The following DDX27 variants were observed in gnomAD, a reference collection of about 807,000 sequenced individuals.
The protein encoded by DDX27 is DEAD-box helicase 27.
Under a neutral mutation model 99.3 loss-of-function variants are expected in DDX27, and 42 were observed. That is an observed-to-expected ratio of 0.42 (90% CI 0.33 to 0.55). The LOEUF (loss-of-function observed/expected upper bound fraction) is 0.55, where lower values mean the gene tolerates loss of function less well. Ranked by LOEUF, DDX27 falls within the 20% of genes least tolerant of loss-of-function variation. The probability of loss-of-function intolerance (pLI) is 0.07; values close to 1 mark genes in which losing one functional copy is unlikely to be tolerated. For missense variants in DDX27, 798 were observed against 976.8 expected (o/e 0.82, Z 2.44); for synonymous variants, 329 against 353.8 (o/e 0.93, Z 0.79).
At chr20:49,243,572 G>A in intron 19 of DDX27, 57 bp from the exon 20 acceptor site, 2 of 1,504,308 alleles carry the variant, frequency 1.3e-6, no homozygotes, top group Non-Finnish European at 1.8e-6. Context: ...GTGGGGGTGA[G>A]ACAACACCCA....
intron 4 of DDX27, among the ~76,000 whole-genome samples, chr20:49,223,639 G>A (rs571537126): frequency 6.6e-6 from 1 of 151,066 alleles, no homozygotes; most frequent in South Asian, 2.1e-4. Flanking sequence ...CCAGTACTTT[G>A]GGAGGCTGAG....
At chr20:49,223,177 G>T (rs369902276) in intron 3 of DDX27, 91 bp from the exon 4 acceptor site, 1 of 1,438,306 alleles carries the variant, frequency 7.0e-7, no homozygotes, top group South Asian at 1.3e-5. Context: ...CCCCACAGCC[G>T]TTCATTCAGG....
Position 49,233,605 on chromosome 20 carries a change from T to C in DDX27, c.1169T>C (p.Val390Ala), listed in dbSNP as rs763860338. The change falls in exon 11 of 21, where the codon GTC (valine) becomes GCC (alanine). Residue 390 changes from valine to alanine, a missense_variant. Physicochemically the swap from Val to Ala is moderately conservative, Grantham distance 64 (BLOSUM62 0). Transcript: ENST00000618172. ...DLASVSLKNP[V>A]RIFVNSNTDV... ...GCTTCTGTCTCCTTGAAGAATCCTGTCCGGATATTTGTGAACAGCAACACA... is the reference window on the plus strand; with the variant it reads ...GCTTCTGTCTCCTTGAAGAATCCTGCCCGGATATTTGTGAACAGCAACACA... 6.2e-7 allele frequency: 1 copy of C among 1,614,068 alleles called. No homozygotes were observed. The highest frequency in any genetic ancestry group is 8.5e-7 in the Non-Finnish European group (1 of 1,179,938).
At chr20:49,229,668 A>G (rs1438014866) in intron 8 of DDX27, among the ~76,000 whole-genome samples, 3 of 37,802 alleles carry the variant, frequency 7.9e-5, no homozygotes, top group Non-Finnish European at 2.4e-4. Context: ...TTTTTTTTTG[A>G]GAGGAAGTCT....
At chr20:49,241,078 G>A (rs1478643332) in intron 16 of DDX27, among the ~76,000 whole-genome samples, 1 of 152,174 alleles carries the variant, frequency 6.6e-6, no homozygotes, top group South Asian at 2.1e-4. Flanking sequence ...AACAAGTGAT[G>A]TAGGGAATAA....
intron 3 of DDX27, 61 bp from the exon 4 acceptor site, chr20:49,223,207 T>G: frequency 6.5e-7 from 1 of 1,547,020 alleles, no homozygotes; most frequent in East Asian, 2.3e-5. Flanking sequence ...TTCCTATCGC[T>G]CTACTTAGGT....
chr20:49,243,018 C>T (rs967308787), intron 19 of DDX27, among the ~76,000 whole-genome samples: 2 of 152,024 alleles, frequency 1.3e-5, no homozygotes, highest in South Asian at 2.1e-4. Context: ...CCGTGCCCGG[C>T]GAGCCCTTGG....
chr20:49,225,163 G>A lies in DDX27; in HGVS notation c.564G>A (p.Ser188=), dbSNP rs985118699. The change falls in exon 6 of 21, where the codon TCG becomes TCA. Residue 188 remains serine, a synonymous_variant. Transcript: ENST00000618172. ...CATCTCAGTACGATGAAAACCTCTC[G>A]TTCCAGGACATGAACCTTTCCCGCC... The part of the protein sequence containing the change: ...EDASQYDENL[S]FQDMNLSRPL... 3.7e-6 allele frequency: 6 copies of A among 1,614,082 alleles called. No homozygotes were observed. The highest frequency in any genetic ancestry group is 1.1e-5 in the South Asian group (1 of 91,078).
At chr20:49,229,030 CTTTTTTT>C in intron 8 of DDX27, 142 bp downstream of exon 8, 181 of 287,192 alleles carry the variant, frequency 6.3e-4, no homozygotes, top group Middle Eastern at 4.0e-3. Flanking sequence ...AACTGGAAGA[CTTTTTTT>C]TTTTTTTTTT....
chr20:49,230,151 C>T, intron 8 of DDX27, 48 bp from the exon 9 acceptor site: 1 of 1,569,298 alleles, frequency 6.4e-7, no homozygotes, highest in Non-Finnish European at 8.6e-7. Flanking sequence ...AGTCAACACC[C>T]ATGAGCAGCT....
intron 12 of DDX27, chr20:49,235,351 C>T: frequency 2.8e-6 from 1 of 360,708 alleles, no homozygotes. Flanking sequence ...ACAGAGGAAG[C>T]TGGCTTGGAA....
At position 49,236,585 on chromosome 20, in the gene DDX27, A is replaced by G. The variant is rs779796437; in HGVS notation, c.1687+75A>G. On this transcript the variant is annotated intron_variant, in intron 14 of 20. Coordinates refer to ENST00000618172, the MANE Select transcript of DDX27 (RefSeq NM_017895.8). This position sits in a 1 kb window ranked among gnomAD's most constrained non-coding sequence, Gnocchi z 4.1. ...AGGACAGAGTGTAATGGCTGAGAGC[A>G]GGTACTTTGCAGTTCAGAGCCAGAT... 4 of 1,419,184 alleles carry G rather than the reference A, an allele frequency of 2.8e-6. No individual in the cohort carries two copies. Among genetic ancestry groups the G allele is most frequent in the Non-Finnish European group, 3.7e-6 (4 of 1,072,234 alleles). 87.9% of individuals were successfully genotyped at this position (1,419,184 alleles called of 1,614,324 possible). A position where few individuals can be genotyped will look rare whatever the true frequency, so the allele number is the denominator to read the frequency against.
At chr20:49,229,016 TA>T in intron 8 of DDX27, 128 bp downstream of exon 8, 2 of 699,828 alleles carry the variant, frequency 2.9e-6, no homozygotes, top group Admixed American at 4.3e-5. Flanking sequence ...TGAATCCACT[TA>T]AAAACTGGAA....
At chr20:49,219,886 C>CT (rs1380125444) in intron 1 of DDX27, among the ~76,000 whole-genome samples, 1 of 152,096 alleles carries the variant, frequency 6.6e-6, no homozygotes, top group Non-Finnish European at 1.5e-5. Flanking sequence ...GTTAGCTGTC[C>CT]TTTCGTATGT....
rs982909943 is a variant in DDX27, at chr20:49,235,023, C to T, written c.1362C>T (p.Leu454=). 3 of 1,613,580 alleles carry T rather than the reference C, an allele frequency of 1.9e-6. 1 individual carries two copies. The South Asian group carries it at 3.3e-5, about 18-fold the overall frequency. ...ACCGCATGCACATCCTCCTGGGGCT[C>T]ATGGGGCTGCAGGTGGGTGAGCTCC... ...QAHRMHILLG[L]MGLQVGELHG... is the part of the protein sequence containing the mutation. Residue 454 remains leucine (L), a synonymous_variant, in exon 12 of 21, where the codon CTC becomes CTT. Transcript: ENST00000618172.
chr20:49,243,924 G>C lies in DDX27; in HGVS notation c.*90G>C. On this transcript the variant is annotated 3_prime_UTR_variant, in exon 21 of 21. Transcript: ENST00000618172. Reference sequence around the variant, plus strand: ...TGGCTGGTCTGTCTTTTCTCCATTTGTTTAAAAAAAAAACAAAAACAAAAA... The same window carrying C: ...TGGCTGGTCTGTCTTTTCTCCATTTCTTTAAAAAAAAAACAAAAACAAAAA... 1.4e-6 allele frequency: 2 copies of C among 1,462,778 alleles called. No homozygotes were observed. The highest frequency in any genetic ancestry group is 1.9e-6 in the Non-Finnish European group (2 of 1,068,748). The allele number at this position is 1,462,778 out of a possible 1,614,324, so 90.6% of individuals were successfully genotyped here. A position where few individuals can be genotyped will look rare whatever the true frequency, so the allele number is the denominator to read the frequency against.
intron 1 of DDX27, among the ~76,000 whole-genome samples, chr20:49,221,055 G>A (rs918968013): frequency 1.3e-5 from 2 of 152,032 alleles, no homozygotes; most frequent in Non-Finnish European, 2.9e-5. Flanking sequence ...TCCCCCTCCC[G>A]GGTTCAGGCA....
intron 9 of DDX27, 128 bp from the exon 10 acceptor site, chr20:49,233,173 GATAAA>G: frequency 9.3e-6 from 6 of 648,180 alleles, no homozygotes; most frequent in Non-Finnish European, 1.6e-5. Flanking sequence ...TTGGTGAAAA[GATAAA>G]ATAATAAAAT....
At chr20:49,221,735 T>TA (rs201716772) in intron 2 of DDX27, 137 bp downstream of exon 2, 2,010 of 642,174 alleles carry the variant, frequency 3.1e-3, no homozygotes, top group South Asian at 5.1e-3. Flanking sequence ...AATAACTGGT[T>TA]AAAAAAAAAC....
Sources: allele counts gnomAD v4.1 joint callset (sites outside exome capture counted in the v4.1 genomes callset), GRCh38; gene constraint gnomAD v4.1.1; non-coding constraint Gnocchi (gnomAD v3.1); transcripts MANE v1.5; gene names NCBI Gene and HGNC (gene_info 2026-07-23, HGNC 2026-07-21).